CAMTA1: variants seen among roughly 807,000 people sequenced by gnomAD.
CAMTA1 encodes calmodulin binding transcription activator 1.
CAMTA1 carries 27 observed loss-of-function variants against 170.9 expected under a neutral mutation model. The observed-to-expected ratio is 0.16, with a 90% CI of 0.12 to 0.22. The LOEUF is 0.22. CAMTA1 is among the 10% of genes least tolerant of loss of function. The pLI is 1.00. For synonymous variants in CAMTA1, 833 were observed against 891.5 expected (o/e 0.93, Z 1.17); for missense variants, 1,619 against 2,217.2 (o/e 0.73, Z 5.42).
In CAMTA1 at chr1:7,744,777, C is replaced by G. The variant is rs890265929; in HGVS notation, c.4183-58C>G. 2.0e-5 allele frequency: 30 copies of G among 1,495,436 alleles called. 1 individual carries two copies. In the Admixed American group the frequency reaches 2.9e-4, roughly 14 times the overall value. The allele number at this position is 1,495,436 out of a possible 1,614,324, so 92.6% of individuals were successfully genotyped here. ...TCCAAGGCGAGGCAGGGAGGTAGAC[C>G]TGGATAACTTGTAAGGTTCCTTTCT... On this transcript the variant is annotated intron_variant, in intron 16 of 22. Coordinates refer to ENST00000303635, the MANE Select transcript of CAMTA1 (RefSeq NM_015215.4).
chr1:7,529,496 G>A (rs2094467729), intron 6 of CAMTA1, among the ~76,000 whole-genome samples: 1 of 152,162 alleles, frequency 6.6e-6, no homozygotes, highest in Admixed American at 6.5e-5. Context: ...TCACAGACAA[G>A]GAACTTGAGG....
At chr1:7,013,551 A>G (rs561692002) in intron 3 of CAMTA1, among the ~76,000 whole-genome samples, 1 of 152,304 alleles carries the variant, frequency 6.6e-6, no homozygotes, top group South Asian at 2.1e-4. Flanking sequence ...CCCGGAAGCC[A>G]GAGCCATTCT....
intron 5 of CAMTA1, among the ~76,000 whole-genome samples, chr1:7,457,586 G>A (rs1575434580): frequency 6.6e-6 from 1 of 152,302 alleles, no homozygotes; most frequent in East Asian, 1.9e-4. Context: ...AGCACACACT[G>A]TTCTCCGCGA....
chr1:7,108,307 A>G (rs1643805495), intron 4 of CAMTA1, among the ~76,000 whole-genome samples: 1 of 152,188 alleles, frequency 6.6e-6, no homozygotes, highest in Admixed American at 6.5e-5. Context: ...GGGAGTAATG[A>G]TAGTACATAT....
chr1:7,070,933 G>C (rs1435170139), intron 3 of CAMTA1, among the ~76,000 whole-genome samples: 1 of 152,248 alleles, frequency 6.6e-6, no homozygotes, highest in African/African-American at 2.4e-5. Flanking sequence ...CTTTGGAAGA[G>C]AGGCGCTGAC....
chr1:7,395,307 C>A (rs1012533058), intron 5 of CAMTA1, among the ~76,000 whole-genome samples: 1 of 152,164 alleles, frequency 6.6e-6, no homozygotes, highest in Non-Finnish European at 1.5e-5. Context: ...GTTTTCCCAG[C>A]AAAACTTACT....
intron 6 of CAMTA1, among the ~76,000 whole-genome samples, chr1:7,611,893 C>T (rs1054420349): frequency 2.6e-5 from 4 of 152,210 alleles, no homozygotes; most frequent in Non-Finnish European, 5.9e-5. Context: ...GGGAGAGTTC[C>T]CTGACCCCGT....
chr1:7,690,819 C>T (rs1036997153), intron 11 of CAMTA1, among the ~76,000 whole-genome samples: 32 of 152,222 alleles, frequency 2.1e-4, no homozygotes, highest in African/African-American at 6.8e-4. Flanking sequence ...AGTGCGACCC[C>T]ATCATCCGCT....
intron 5 of CAMTA1, among the ~76,000 whole-genome samples, chr1:7,422,131 G>A (rs184914435): frequency 6.6e-6 from 1 of 152,258 alleles, no homozygotes; most frequent in African/African-American, 2.4e-5. Context: ...GGCAGAGTGG[G>A]AGCTGGACAG....
chr1:7,653,836 G>C (rs765031354), intron 7 of CAMTA1, among the ~76,000 whole-genome samples: 5 of 152,198 alleles, frequency 3.3e-5, no homozygotes, highest in Non-Finnish European at 2.9e-5. Flanking sequence ...TGAACAGCTT[G>C]GCAAGGCCTG....
intron 5 of CAMTA1, among the ~76,000 whole-genome samples, chr1:7,447,897 G>T (rs2092719773): frequency 6.6e-6 from 1 of 152,248 alleles, no homozygotes; most frequent in Non-Finnish European, 1.5e-5. Flanking sequence ...GTGCAGAGAA[G>T]CAAAGCTATT....
chr1:7,750,921 A>C, intron 19 of CAMTA1: 1 of 573,108 alleles, frequency 1.7e-6, no homozygotes. Flanking sequence ...GTCTAAGGGT[A>C]TTGCTATTAA....
chr1:7,121,379 A>G (rs867385242), intron 4 of CAMTA1, among the ~76,000 whole-genome samples: 9 of 152,226 alleles, frequency 5.9e-5, no homozygotes, highest in Non-Finnish European at 1.2e-4. Flanking sequence ...GGTGGATAAG[A>G]TGGATCAAAT....
intron 4 of CAMTA1, among the ~76,000 whole-genome samples, chr1:7,246,328 C>T (rs1254544428): frequency 6.6e-6 from 1 of 152,160 alleles, no homozygotes; most frequent in Non-Finnish European, 1.5e-5. Context: ...GGTATAAGTA[C>T]GGATATAGAT....
intron 6 of CAMTA1, among the ~76,000 whole-genome samples, chr1:7,583,149 G>A (rs1229420339): frequency 1.3e-5 from 2 of 152,076 alleles, no homozygotes; most frequent in Non-Finnish European, 2.9e-5. Flanking sequence ...GCGTTAGCAG[G>A]GGGCCTAAAG....
intron 3 of CAMTA1, among the ~76,000 whole-genome samples, chr1:7,043,202 G>C (rs934275663): frequency 6.6e-6 from 1 of 152,188 alleles, no homozygotes; most frequent in African/African-American, 2.4e-5. Flanking sequence ...GGGTGCATCG[G>C]GGCCTCACTC....
At chr1:7,465,931 G>A (rs2093200672) in intron 5 of CAMTA1, among the ~76,000 whole-genome samples, 1 of 152,230 alleles carries the variant, frequency 6.6e-6, no homozygotes, top group Non-Finnish European at 1.5e-5. Context: ...GAAAGTCATT[G>A]CAAAGTCTAG....
chr1:7,527,061 G>A (rs753827675), intron 6 of CAMTA1, among the ~76,000 whole-genome samples: 20 of 152,268 alleles, frequency 1.3e-4, no homozygotes, highest in Non-Finnish European at 2.2e-4. Flanking sequence ...CCAGGCCAGC[G>A]GCTGCTCCTC....
chr1:7,129,925 G>A (rs1156356847), intron 4 of CAMTA1, among the ~76,000 whole-genome samples: 2 of 95,416 alleles, frequency 2.1e-5, no homozygotes, highest in African/African-American at 7.6e-5. Context: ...TCTTTTGTGT[G>A]TGTGTGTGTG....
Sources: allele counts gnomAD v4.1 joint callset (sites outside exome capture counted in the v4.1 genomes callset), GRCh38; gene constraint gnomAD v4.1.1; transcripts MANE v1.5; gene names NCBI Gene and HGNC (gene_info 2026-07-23, HGNC 2026-07-21).